Variants in CDK14 observed in about 807,000 individuals in gnomAD.
CDK14 encodes the protein cyclin-dependent kinase 14.
CDK14 carries 34 observed loss-of-function variants against 60.7 expected under a neutral mutation model. The ratio of observed to expected loss-of-function variants is 0.56; its 90% CI spans 0.43 to 0.75. The LOEUF (loss-of-function observed/expected upper bound fraction) is 0.75. Among genes scored for constraint, CDK14 ranks in the 30% least tolerant of loss-of-function variants. CDK14 has a pLI of 0.00. For missense variants in CDK14, 482 were observed against 564.1 expected (o/e 0.85, Z 1.47); for synonymous variants, 197 against 203.7 (o/e 0.97, Z 0.28).
intron 6 of CDK14, among the ~76,000 whole-genome samples, chr7:90,881,918 G>A (rs890635921): frequency 5.3e-5 from 8 of 152,064 alleles, no homozygotes; most frequent in Non-Finnish European, 1.0e-4. Flanking sequence ...CGCGTGCCCT[G>A]CAAGAGCTCT....
chr7:90,692,673 T>A (rs1278516059), intron 2 of CDK14: 1 of 980,392 alleles, frequency 1.0e-6, no homozygotes, highest in Non-Finnish European at 1.2e-6. Context: ...TGTTCTCTGC[T>A]TCCTGCCCCA....
At chr7:90,666,121 T>TA (rs1211737136) in intron 2 of CDK14, among the ~76,000 whole-genome samples, 1 of 152,214 alleles carries the variant, frequency 6.6e-6, no homozygotes, top group Non-Finnish European at 1.5e-5. Flanking sequence ...AATAGGTGGT[T>TA]ACTCTTGGTT....
intron 14 of CDK14, among the ~76,000 whole-genome samples, chr7:91,183,017 G>A (rs972632722): frequency 2.6e-5 from 4 of 152,112 alleles, no homozygotes; most frequent in African/African-American, 7.2e-5. Context: ...TGAGAGTCGC[G>A]TTGCAAACTT....
chr7:90,755,760 T>C (rs1003689487), intron 4 of CDK14, among the ~76,000 whole-genome samples: 1 of 152,188 alleles, frequency 6.6e-6, no homozygotes, highest in Non-Finnish European at 1.5e-5. Flanking sequence ...GTCTAAATGA[T>C]TGAGTTAATT....
intron 2 of CDK14, among the ~76,000 whole-genome samples, chr7:90,628,536 T>A (rs998074723): frequency 6.6e-6 from 1 of 152,060 alleles, no homozygotes; most frequent in Non-Finnish European, 1.5e-5. Flanking sequence ...AAGATGAAAT[T>A]TGGGCCAGGC....
intron 10 of CDK14, among the ~76,000 whole-genome samples, chr7:91,045,608 C>A (rs1797209926): frequency 6.6e-6 from 1 of 152,140 alleles, no homozygotes; most frequent in South Asian, 2.1e-4. Flanking sequence ...ATGAAGATGA[C>A]AGCTCATTGT....
intron 14 of CDK14, among the ~76,000 whole-genome samples, chr7:91,205,311 TAAAC>T (rs1271704438): frequency 1.3e-5 from 2 of 152,144 alleles, no homozygotes; most frequent in Non-Finnish European, 2.9e-5. Context: ...AATGAATGGA[TAAAC>T]AAACTGTGGT....
At chr7:91,191,648 G>A (rs190885148) in intron 14 of CDK14, among the ~76,000 whole-genome samples, 34 of 151,994 alleles carry the variant, frequency 2.2e-4, no homozygotes, top group Middle Eastern at 3.4e-3. Context: ...ATGTTTGCGT[G>A]TATGTGAGTA....
intron 8 of CDK14, among the ~76,000 whole-genome samples, chr7:90,935,645 C>A (rs911179188): frequency 6.6e-6 from 1 of 152,044 alleles, no homozygotes; most frequent in Non-Finnish European, 1.5e-5. Context: ...AACATGCATT[C>A]TGTTTTTTTT....
intron 10 of CDK14, among the ~76,000 whole-genome samples, chr7:90,989,443 T>A (rs1278944255): frequency 6.6e-6 from 1 of 152,162 alleles, no homozygotes. Context: ...AATGAAGACA[T>A]AAAAGAATTA....
chr7:90,905,782 T>C (rs890835889), intron 7 of CDK14, among the ~76,000 whole-genome samples: 3 of 152,180 alleles, frequency 2.0e-5, no homozygotes, highest in Admixed American at 1.3e-4. Context: ...CTAAGTCACA[T>C]AGGTTCATCA....
At chr7:91,016,472 C>A (rs1456297538) in intron 10 of CDK14, among the ~76,000 whole-genome samples, 1 of 152,082 alleles carries the variant, frequency 6.6e-6, no homozygotes, top group Non-Finnish European at 1.5e-5. Context: ...TTAGATTATA[C>A]CCTGTTTTAT....
intron 14 of CDK14, among the ~76,000 whole-genome samples, chr7:91,195,968 G>A (rs1253766038): frequency 6.6e-6 from 1 of 152,200 alleles, no homozygotes; most frequent in East Asian, 1.9e-4. Context: ...GCCAGTCTGT[G>A]TTTCCCAGAG....
chr7:90,912,011 T>C (rs1338885652), intron 7 of CDK14, among the ~76,000 whole-genome samples: 1 of 152,178 alleles, frequency 6.6e-6, no homozygotes, highest in South Asian at 2.1e-4. Context: ...TCCCTGTTCA[T>C]CGTTTCATTA....
At chr7:90,959,947 A>C (rs989539519) in intron 9 of CDK14, among the ~76,000 whole-genome samples, 2 of 152,140 alleles carry the variant, frequency 1.3e-5, no homozygotes, top group Non-Finnish European at 2.9e-5. Flanking sequence ...ACTTCTCTTA[A>C]TTTTTGGATT....
At chr7:90,689,632 A>G (rs138303813) in intron 2 of CDK14, among the ~76,000 whole-genome samples, 24 of 152,304 alleles carry the variant, frequency 1.6e-4, no homozygotes, top group African/African-American at 5.8e-4. Context: ...TTAGCTGCTG[A>G]CTAGAAATTT....
chr7:90,697,568 G>T (rs1801684924), intron 2 of CDK14, among the ~76,000 whole-genome samples: 1 of 152,108 alleles, frequency 6.6e-6, no homozygotes, highest in Non-Finnish European at 1.5e-5. Context: ...CTTTTCGGAT[G>T]TTACATAGTG....
chr7:91,009,914 T>A (rs1796100896), intron 10 of CDK14, among the ~76,000 whole-genome samples: 1 of 152,120 alleles, frequency 6.6e-6, no homozygotes, highest in Non-Finnish European at 1.5e-5. Context: ...GTTTTAGGTT[T>A]TATGTTTAGG....
At chr7:90,962,793 A>G (rs1386411362) in intron 9 of CDK14, among the ~76,000 whole-genome samples, 2 of 152,186 alleles carry the variant, frequency 1.3e-5, no homozygotes, top group Non-Finnish European at 2.9e-5. Flanking sequence ...TGACATTATT[A>G]TAACCCTTGG....
Sources: gnomAD v4.1 joint callset for allele counts (sites outside exome capture counted in the v4.1 genomes callset) on GRCh38, gnomAD v4.1.1 for gene constraint, MANE v1.5 for transcripts, NCBI Gene and HGNC (gene_info 2026-07-23, HGNC 2026-07-21) for gene names.